UBN2: variants seen among roughly 807,000 people sequenced by gnomAD.
UBN2 encodes ubinuclein-2.
UBN2 carries 35 observed loss-of-function variants against 120.2 expected under a neutral mutation model. That is an observed-to-expected ratio of 0.29 (90% CI 0.22 to 0.39). The LOEUF is 0.39. Ranked by LOEUF, UBN2 falls within the 10% of genes least tolerant of loss-of-function variation. The probability of loss-of-function intolerance (pLI) is 1.00; values close to 1 mark genes in which losing one functional copy is unlikely to be tolerated. For missense variants in UBN2, 1,693 were observed against 1,663.2 expected, an observed-to-expected ratio of 1.02 and a Z score of -0.31; for synonymous variants, 661 against 648.7, an observed-to-expected ratio of 1.02 and a Z score of -0.29.
chr7:139,311,646 C>G (rs898075945), downstream of UBN2, among the ~76,000 whole-genome samples: 1 of 152,232 alleles, frequency 6.6e-6, no homozygotes, highest in South Asian at 2.1e-4. Flanking sequence ...TGTCTCTCCT[C>G]TGTCTTTTTA....
chr7:139,269,692 C>T (rs1353352599), intron 8 of UBN2, among the ~76,000 whole-genome samples, 169 bp downstream of exon 8: 1 of 152,138 alleles, frequency 6.6e-6, no homozygotes, highest in Non-Finnish European at 1.5e-5. Context: ...ATAATTGCGT[C>T]TTCAACAATT....
At chr7:139,313,807 G>C in the UBN2 span, among the ~76,000 whole-genome samples, 1 of 151,352 alleles carries the variant, frequency 6.6e-6, no homozygotes, top group Non-Finnish European at 1.5e-5. Flanking sequence ...ATTAGATCAA[G>C]TGCTTTTCCC....
At chr7:139,247,248 C>T (rs1796496503) in intron 2 of UBN2, among the ~76,000 whole-genome samples, 1 of 152,022 alleles carries the variant, frequency 6.6e-6, no homozygotes, top group Non-Finnish European at 1.5e-5. Flanking sequence ...ACAATTGCTC[C>T]ATGTCCATGT....
At position 139,231,862 on chromosome 7, in the gene UBN2, G is replaced by C; in HGVS notation, c.378G>C (p.Thr126=). The change falls in exon 1 of 18, where the codon ACG becomes ACC. Residue 126 remains threonine (T), a synonymous_variant. Transcript: ENST00000473989. ...AGCCGCCGCGGCCGCCGAGGGAGAC[G>C]GTGCGCCTGGAGCTGGTGCTTAAGG... The part of the protein sequence containing the change: ...AEQPPRPPRE[T]VRLELVLKDP... 5 of 1,558,948 alleles carry C rather than the reference G, an allele frequency of 3.2e-6. No individual in the cohort carries two copies. Among genetic ancestry groups the C allele is most frequent in the Non-Finnish European group, 4.3e-6 (5 of 1,159,596 alleles).
intron 3 of UBN2, among the ~76,000 whole-genome samples, chr7:139,254,860 C>G (rs113685525): frequency 6.6e-6 from 1 of 152,150 alleles, no homozygotes; most frequent in Non-Finnish European, 1.5e-5. Context: ...ACACCTTGCC[C>G]GCATGCACAC....
chr7:139,305,398 G>A lies in UBN2; in HGVS notation c.*7562G>A, dbSNP rs962604871. On this transcript the variant is annotated 3_prime_UTR_variant, in exon 18 of 18. Transcript: ENST00000473989. Reference sequence around the variant, plus strand: ...GAGAAGTAAAGCCCTGTGCAGGCCTGCTTTAGAAGACTTTACATCCCAGCA... The same window carrying A: ...GAGAAGTAAAGCCCTGTGCAGGCCTACTTTAGAAGACTTTACATCCCAGCA... 1.3e-5 allele frequency: 2 copies of A among 152,166 alleles called. No individual in the cohort carries two copies. The highest frequency in any genetic ancestry group is 2.4e-5 in the African/African-American group (1 of 41,440). 9.4% of individuals were successfully genotyped at this position (152,166 alleles called of 1,614,324 possible).
intron 17 of UBN2, among the ~76,000 whole-genome samples, chr7:139,297,317 C>T (rs539058780): frequency 8.6e-5 from 13 of 151,434 alleles, no homozygotes; most frequent in South Asian, 4.2e-4. Flanking sequence ...AAGTTTGCTA[C>T]GTTTGTTTAC....
chr7:139,281,444 T>C (rs187956644), intron 13 of UBN2, among the ~76,000 whole-genome samples: 2 of 152,314 alleles, frequency 1.3e-5, no homozygotes, highest in Admixed American at 6.5e-5. Context: ...CTTAGCTTTC[T>C]AGGACACATC....
intron 17 of UBN2, 70 bp from the exon 18 acceptor site, chr7:139,297,717 T>G: frequency 7.0e-7 from 1 of 1,424,306 alleles, no homozygotes; most frequent in Non-Finnish European, 9.9e-7. Flanking sequence ...ATTGTTGTTT[T>G]TGCTTTGTTT....
At chr7:139,310,656 C>T (rs1166939412), downstream of UBN2, among the ~76,000 whole-genome samples, 2 of 152,106 alleles carry the variant, frequency 1.3e-5, no homozygotes, top group East Asian at 3.9e-4. Flanking sequence ...GTCTGTAATC[C>T]CAGCTACTCA....
chr7:139,268,738 G>A (rs1797173499), intron 7 of UBN2, among the ~76,000 whole-genome samples: 1 of 152,174 alleles, frequency 6.6e-6, no homozygotes, highest in African/African-American at 2.4e-5. Context: ...CCGAGGGGTA[G>A]TATAATATCT....
Position 139,236,942 on chromosome 7 carries a change from CAA to C in UBN2, c.469-62_469-61del, listed in dbSNP as rs911031382. ...TGTTACATAATGATAAATAAACAAA[CAA>C]TAATAATATTTGTAATACTAATGGA... On this transcript the variant is annotated intron_variant, in intron 1 of 17. Transcript: ENST00000473989. The C allele has an allele frequency of 4.4e-5, 46 of 1,039,656 alleles. No homozygotes were observed. In the African/African-American group the frequency reaches 6.5e-4, roughly 15 times the overall value. The allele number at this position is 1,039,656 out of a possible 1,614,324, so 64.4% of individuals were successfully genotyped here.
At position 139,252,076 on chromosome 7, in the gene UBN2, A is replaced by G; in HGVS notation, c.663+19A>G. ...AGAGGCTGTGAGTAATGTATCTTTA[A>G]TATAGCAGCAAATTCATTGTTTGTA... On this transcript the variant is annotated intron_variant, in intron 3 of 17. Coordinates refer to ENST00000473989, the MANE Select transcript of UBN2 (RefSeq NM_173569.4). 1 of 1,595,628 alleles carries G rather than the reference A, an allele frequency of 6.3e-7. No individual in the cohort carries two copies. The highest frequency in any genetic ancestry group is 8.6e-7 in the Non-Finnish European group (1 of 1,163,196).
chr7:139,293,178 A>C, intron 15 of UBN2, 54 bp from the exon 16 acceptor site: 3 of 1,430,402 alleles, frequency 2.1e-6, no homozygotes, highest in Non-Finnish European at 3.0e-6. Context: ...TAGAAAATAA[A>C]TCAATTTGGG....
At chr7:139,252,120 G>C (rs1796639088) in intron 3 of UBN2, 63 bp downstream of exon 3, 2 of 1,394,746 alleles carry the variant, frequency 1.4e-6, no homozygotes, top group Admixed American at 1.7e-5. Context: ...TAGAAGTCAA[G>C]GGTAAAGTAA....
chr7:139,309,140 T>A (rs1484722110), downstream of UBN2, among the ~76,000 whole-genome samples: 2 of 152,078 alleles, frequency 1.3e-5, no homozygotes, highest in Non-Finnish European at 2.9e-5. Flanking sequence ...TCAGAGAAAG[T>A]GAATATAAGT....
At chr7:139,326,878 G>A in the UBN2 span, among the ~76,000 whole-genome samples, 1 of 152,124 alleles carries the variant, frequency 6.6e-6, no homozygotes, top group Non-Finnish European at 1.5e-5. Flanking sequence ...GACTGTGCCT[G>A]GGATTGTTTT....
intron 6 of UBN2, among the ~76,000 whole-genome samples, chr7:139,266,055 A>T (rs1389806115): frequency 6.6e-6 from 1 of 150,972 alleles, no homozygotes; most frequent in Admixed American, 6.6e-5. Flanking sequence ...TACTGTTAGG[A>T]GATTCTTTTT....
chr7:139,305,529 A>G lies in UBN2; in HGVS notation c.*7693A>G, dbSNP rs1023977113. ...ACTCTCAAAGTACCACTTGCTTGAA[A>G]GTAGCTACTTGTGATCTTTAATTTC... On this transcript the variant is annotated 3_prime_UTR_variant, in exon 18 of 18. Coordinates refer to ENST00000473989, the MANE Select transcript of UBN2 (RefSeq NM_173569.4). 3 of 152,240 alleles carry G rather than the reference A, an allele frequency of 2.0e-5. No homozygotes were observed. The highest frequency in any genetic ancestry group is 7.2e-5 in the African/African-American group (3 of 41,466). The allele number at this position is 152,240 out of a possible 1,614,324, so 9.4% of individuals were successfully genotyped here. A position where few individuals can be genotyped will look rare whatever the true frequency, so the allele number is the denominator to read the frequency against.
Sources: allele counts gnomAD v4.1 joint callset (sites outside exome capture counted in the v4.1 genomes callset), GRCh38; gene constraint gnomAD v4.1.1; transcripts MANE v1.5; gene names NCBI Gene and HGNC (gene_info 2026-07-23, HGNC 2026-07-21).